The following MET variants were observed in gnomAD, a reference collection of about 807,000 sequenced individuals.
MET encodes the protein MET proto-oncogene, receptor tyrosine kinase, also known as hepatocyte growth factor receptor.
In MET, 48 loss-of-function variants were observed where a neutral mutation model predicts 133.1. The ratio of observed to expected loss-of-function variants is 0.36; its 90% CI spans 0.29 to 0.46. MET has a LOEUF of 0.46. MET is among the 20% of genes least tolerant of loss of function. The pLI, the probability that MET is intolerant of heterozygous loss-of-function variation, is 1.00. For synonymous variants in MET, 628 were observed against 616.5 expected, an observed-to-expected ratio of 1.02 and a Z score of -0.28; for missense variants, 1,442 against 1,695.9, an observed-to-expected ratio of 0.85 and a Z score of 2.63.
chr7:116,766,203 T>C (rs967179088), intron 11 of MET, among the ~76,000 whole-genome samples: 1 of 152,234 alleles, frequency 6.6e-6, no homozygotes. Flanking sequence ...AAGTATTCTG[T>C]TTCATGCTGG....
chr7:116,740,408 G>A (rs1376691488), intron 4 of MET, among the ~76,000 whole-genome samples: 4 of 152,112 alleles, frequency 2.6e-5, no homozygotes, highest in Admixed American at 2.6e-4. Flanking sequence ...AATGTACATT[G>A]GAATCCGACT....
chr7:116,710,679 C>T lies in MET; in HGVS notation c.1200+10395C>T, dbSNP rs1791962862. ...AAATGTACAACAGGACTTCACCACA[C>T]CTAACAAAAGAAAGTTTTCTTATTA... On this transcript the variant is annotated intron_variant, in intron 2 of 20. Coordinates refer to ENST00000397752, the MANE Select transcript of MET (RefSeq NM_000245.4). Among the ~76,000 whole-genome samples the T allele has an allele frequency of 3.3e-5, 5 of 151,896 alleles. No homozygotes were observed. The South Asian group carries it at 1.0e-3, about 32-fold the overall frequency.
intron 3 of MET, among the ~76,000 whole-genome samples, chr7:116,734,780 G>A (rs920813492): frequency 2.0e-5 from 3 of 152,178 alleles, no homozygotes; most frequent in African/African-American, 7.2e-5. Flanking sequence ...AGGAGATGTA[G>A]AACAGAGTCA....
intron 17 of MET, among the ~76,000 whole-genome samples, chr7:116,779,247 T>G (rs1388703641): frequency 6.6e-6 from 1 of 152,188 alleles, no homozygotes; most frequent in Non-Finnish European, 1.5e-5. Flanking sequence ...CCAGAAACTG[T>G]GCACAGCACA....
intron 1 of MET, among the ~76,000 whole-genome samples, chr7:116,690,299 C>T (rs1796734308): frequency 1.3e-5 from 2 of 152,096 alleles, no homozygotes; most frequent in South Asian, 4.2e-4. Context: ...ATTATCCCCA[C>T]GTTTTGAATA....
At position 116,795,672 on chromosome 7, in the gene MET, C is replaced by A. The variant is rs757012119; in HGVS notation, c.3816C>A (p.Leu1272=). The A allele has an allele frequency of 6.2e-7, 1 of 1,613,952 alleles. No homozygotes were observed. The highest frequency in any genetic ancestry group is 8.5e-7 in the Non-Finnish European group (1 of 1,179,996). Residue 1272 remains leucine, a synonymous_variant, in exon 20 of 21, where the codon CTC becomes CTA. Coordinates refer to ENST00000397752, the MANE Select transcript of MET (RefSeq NM_000245.4). ...TTTACTAGTGGTCCTTTGGCGTGCTCCTCTGGGAGCTGATGACAAGAGGAG... is the reference window on the plus strand; with the variant it reads ...TTTACTAGTGGTCCTTTGGCGTGCTACTCTGGGAGCTGATGACAAGAGGAG... ...TKSDVWSFGV[L]LWELMTRGAP... is the part of the protein sequence containing the mutation.
At chr7:116,732,846 T>C in intron 3 of MET, among the ~76,000 whole-genome samples, 1 of 152,288 alleles carries the variant, frequency 6.6e-6, no homozygotes, top group Non-Finnish European at 1.5e-5. Flanking sequence ...CATTGCCATA[T>C]TTTAAAACCT....
chr7:116,681,004 C>T (rs992332467), intron 1 of MET, among the ~76,000 whole-genome samples: 7 of 152,084 alleles, frequency 4.6e-5, no homozygotes, highest in Non-Finnish European at 8.8e-5. Context: ...GGTACCTTTA[C>T]CATTTTCCCA....
At position 116,697,246 on chromosome 7, in the gene MET, A is replaced by G. The variant is rs781221151; in HGVS notation, c.-14-1825A>G. Among the ~76,000 whole-genome samples the G allele has an allele frequency of 2.0e-5, 3 of 152,184 alleles. No individual in the cohort carries two copies. In the South Asian group the frequency reaches 6.2e-4, roughly 32 times the overall value. ...TGCACTGTGTTTGATATATTAGGGT[A>G]TCAAATCCTACTTATTCAAATATGT... On this transcript the variant is annotated intron_variant, in intron 1 of 20. Coordinates refer to ENST00000397752, the MANE Select transcript of MET (RefSeq NM_000245.4).
intron 5 of MET, among the ~76,000 whole-genome samples, chr7:116,745,162 G>C (rs930701717): frequency 3.3e-5 from 5 of 152,090 alleles, no homozygotes; most frequent in African/African-American, 1.2e-4. Context: ...CAAATCATGA[G>C]TGAACTCCCA....
chr7:116,783,632 T>C (rs1359626495), intron 19 of MET, among the ~76,000 whole-genome samples, 163 bp downstream of exon 19: 2 of 152,226 alleles, frequency 1.3e-5, no homozygotes, highest in Non-Finnish European at 2.9e-5. Context: ...ATTGTATATT[T>C]TCATAAATTC....
intron 15 of MET, among the ~76,000 whole-genome samples, chr7:116,775,484 A>T (rs1172748233): frequency 6.6e-6 from 1 of 152,158 alleles, no homozygotes; most frequent in Non-Finnish European, 1.5e-5. Context: ...CAGGTGGATC[A>T]CCTGAGGTCA....
chr7:116,709,653 T>G lies in MET; in HGVS notation c.1200+9369T>G, dbSNP rs149313470. Among the ~76,000 whole-genome samples, 1,514 of 152,260 alleles carry G rather than the reference T, an allele frequency of 9.9e-3. 9 individuals carry two copies. Among genetic ancestry groups the G allele is most frequent in the Non-Finnish European group, 0.014 (969 of 68,012 alleles). The stretch of plus-strand genomic sequence containing the variant: ...CCTACAAGTCAGAGAGGTCACTGGC[T>G]TGCCCCTTCCTGAAGGCTGTAATTA... On this transcript the variant is annotated intron_variant, in intron 2 of 20. Transcript: ENST00000397752.
chr7:116,780,923 A>G (rs968414429), intron 17 of MET, among the ~76,000 whole-genome samples: 3 of 152,168 alleles, frequency 2.0e-5, no homozygotes, highest in African/African-American at 7.2e-5. Context: ...CTTGGGCCTT[A>G]CTAACCCTGG....
In MET at chr7:116,681,177, G is replaced by T. The variant is rs1218232880; in HGVS notation, c.-15+8600G>T. On this transcript the variant is annotated intron_variant, in intron 1 of 20. Transcript: ENST00000397752. ...CTCCCCTCAGTTACCAGGAAGAATA[G>T]CAGGAATATGTCACAGAAGCAGAGA... is the stretch of plus-strand genomic sequence containing the variant. Among the ~76,000 whole-genome samples the T allele has an allele frequency of 3.9e-5, 6 of 152,112 alleles. 1 individual carries two copies. In the South Asian group the frequency reaches 1.0e-3, roughly 26 times the overall value.
chr7:116,759,302 A>C, intron 9 of MET, 89 bp from the exon 10 acceptor site: 1 of 1,552,304 alleles, frequency 6.4e-7, no homozygotes, highest in Non-Finnish European at 8.7e-7. Flanking sequence ...ACCTGTAATC[A>C]GTGCAGGTGA....
chr7:116,740,859 A>C lies in MET; in HGVS notation c.1535A>C (p.Lys512Thr), dbSNP rs1793417875. Residue 512 changes from lysine (K) to threonine (T), a missense_variant, in exon 5 of 21, where the codon AAG becomes ACG. Physicochemically the swap from Lys to Thr is moderately conservative, Grantham distance 78. Transcript: ENST00000397752. ...CACCCCTTCTCTTCACAGATCACGA[A>C]GATCCCATTGAATGGCTTGGGCTGC... ...TLVITGKKIT[K>T]IPLNGLGCRH... The C allele has an allele frequency of 6.2e-7, 1 of 1,614,092 alleles. No homozygotes were observed. Among genetic ancestry groups the C allele is most frequent in the African/African-American group, 1.3e-5 (1 of 75,052 alleles).
At chr7:116,731,586 C>T (rs1286307221) in intron 2 of MET, 82 bp from the exon 3 acceptor site, 1 of 1,428,272 alleles carries the variant, frequency 7.0e-7, no homozygotes, top group African/African-American at 1.4e-5. Flanking sequence ...CCTCCAGGCT[C>T]TGAAAATACA....
In MET at chr7:116,699,200, T is replaced by C. The variant is rs879254330; in HGVS notation, c.116T>C (p.Met39Thr). The change falls in exon 2 of 21, where the codon ATG (methionine) becomes ACG (threonine). Residue 39 changes from methionine to threonine, a missense_variant. Around this residue, in one of 6 missense-constraint regions of MET, gnomAD observed 762 missense variants for 792.4 expected, o/e 0.96. Coordinates refer to ENST00000397752, the MANE Select transcript of MET (RefSeq NM_000245.4). ...GCAAAGTCCGAGATGAATGTGAATA[T>C]GAAGTATCAGCTTCCCAACTTCACC... ...ALAKSEMNVNMKYQLPNFTAE... is the reference protein window; with the variant it reads ...ALAKSEMNVNTKYQLPNFTAE... 2 of 1,613,990 alleles carry C rather than the reference T, an allele frequency of 1.2e-6. No individual in the cohort carries two copies. The highest frequency in any genetic ancestry group is 8.5e-7 in the Non-Finnish European group (1 of 1,179,924).
Sources: gnomAD v4.1 joint callset for allele counts (sites outside exome capture counted in the v4.1 genomes callset) on GRCh38, gnomAD v4.1.1 for gene constraint, gnomAD v4.1.1 regional missense constraint, MANE v1.5 for transcripts, NCBI Gene and HGNC (gene_info 2026-07-23, HGNC 2026-07-21) for gene names.